Variants in NLRP14 observed in about 807,000 individuals in gnomAD.
NLRP14 encodes the protein NLR family pyrin domain containing 14, also known as NACHT, LRR and PYD domains-containing protein 14.
A neutral mutation model predicts 94.7 loss-of-function variants in NLRP14; 105 were observed. That is an observed-to-expected ratio of 1.11 (90% CI 0.95 to 1.30). NLRP14 has a LOEUF of 1.30. Ranked by LOEUF, NLRP14 falls within the 50% of genes most tolerant of loss-of-function variation. NLRP14 has a pLI of 0.00. For missense variants in NLRP14, 1,362 were observed against 1,254.1 expected (o/e 1.09, Z -1.30); for synonymous variants, 508 against 459.9 (o/e 1.10, Z -1.34).
chr11:7,038,807 T>A lies in NLRP14; in HGVS notation c.221T>A (p.Val74Glu). The A allele has an allele frequency of 6.2e-7, 1 of 1,613,114 alleles. No individual in the cohort carries two copies. The highest frequency in any genetic ancestry group is 8.5e-7 in the Non-Finnish European group (1 of 1,179,752). The change falls in exon 2 of 12, where the codon GTG becomes GAG. Residue 74 changes from valine to glutamate, a missense_variant. Transcript: ENST00000299481. ...TATCCAGGAGAGAAAGCCTGGAGTGTGTCTCTCAAAATCTTTGGCAAGATG... is the reference window on the plus strand; with the variant it reads ...TATCCAGGAGAGAAAGCCTGGAGTGAGTCTCTCAAAATCTTTGGCAAGATG... Reference protein sequence around the residue: ...KYYPGEKAWSVSLKIFGKMNL... With the variant: ...KYYPGEKAWSESLKIFGKMNL...
At chr11:7,027,707 A>G (rs1023718525) in intron 1 of NLRP14, among the ~76,000 whole-genome samples, 10 of 152,238 alleles carry the variant, frequency 6.6e-5, no homozygotes, top group African/African-American at 2.4e-4. Flanking sequence ...GCCTAGTTCA[A>G]TTAGGTTTCA....
At chr11:7,057,439 G>A (rs1437024055) in intron 6 of NLRP14, among the ~76,000 whole-genome samples, 1 of 152,034 alleles carries the variant, frequency 6.6e-6, no homozygotes, top group Admixed American at 6.6e-5. Context: ...GCTCTCAAAT[G>A]TATTTTCATA....
intron 1 of NLRP14, among the ~76,000 whole-genome samples, chr11:7,029,783 G>A (rs1852065994): frequency 6.6e-6 from 1 of 152,126 alleles, no homozygotes; most frequent in Non-Finnish European, 1.5e-5. Flanking sequence ...ACTAAAAAGA[G>A]TTTACCTTTT....
chr11:7,070,424 G>T lies in NLRP14; in HGVS notation c.3114G>T (p.Leu1038Phe). The change falls in exon 11 of 12, where the codon TTG becomes TTT. Residue 1038 changes from leucine to phenylalanine, a missense_variant. By Grantham distance (22) the Leu-to-Phe change is conservative. Transcript: ENST00000299481. ...GAATTGTGAAGTTATATAAAGTCTT[G>T]AAGTCTCCTAAGTGTAAACTACAAG... ...YEGIVKLYKV[L>F]KSPKCKLQVL... 1 of 1,611,882 alleles carries T rather than the reference G, an allele frequency of 6.2e-7. No individual in the cohort carries two copies. Among genetic ancestry groups the T allele is most frequent in the Non-Finnish European group, 8.5e-7 (1 of 1,178,246 alleles).
At chr11:7,052,895 C>G (rs555975596) in intron 6 of NLRP14, among the ~76,000 whole-genome samples, 1 of 152,288 alleles carries the variant, frequency 6.6e-6, no homozygotes, top group South Asian at 2.1e-4. Flanking sequence ...ACCAGAGGTT[C>G]TGCCACCTGG....
chr11:7,028,737 T>C (rs1328737736), intron 1 of NLRP14, among the ~76,000 whole-genome samples: 1 of 152,222 alleles, frequency 6.6e-6, no homozygotes, highest in Admixed American at 6.5e-5. Flanking sequence ...CTAATTGTTA[T>C]TTCTTCAACT....
chr11:7,022,717 A>G (rs1276422852), intron 1 of NLRP14, among the ~76,000 whole-genome samples: 1 of 152,208 alleles, frequency 6.6e-6, no homozygotes, highest in Non-Finnish European at 1.5e-5. Context: ...TTCAAAACCC[A>G]TCAAGGAATA....
chr11:7,045,649 C>A (rs1200820823), intron 4 of NLRP14, among the ~76,000 whole-genome samples: 1 of 152,038 alleles, frequency 6.6e-6, no homozygotes, highest in Non-Finnish European at 1.5e-5. Flanking sequence ...TATGAACTGT[C>A]ATTCATTCCA....
chr11:7,050,001 G>A (rs1440146719), intron 6 of NLRP14, among the ~76,000 whole-genome samples, 163 bp downstream of exon 6: 1 of 152,070 alleles, frequency 6.6e-6, no homozygotes, highest in East Asian at 1.9e-4. Context: ...ATTTCATCCT[G>A]GTAGGACTTC....
rs781501735 is a variant in NLRP14 at position 7,042,676 on chromosome 11, A to G, written c.650A>G (p.Asn217Ser). The change falls in exon 4 of 12, where the codon AAT becomes AGT. Residue 217 changes from asparagine (N) to serine (S), a missense_variant. Asn to Ser is a conservative substitution (Grantham distance 46). Coordinates refer to ENST00000299481, the MANE Select transcript of NLRP14 (RefSeq NM_176822.4). ...AGGTTTAAGTATGTTTTTTATCTCA[A>G]TGGGAGAGAAATTAACCAGCTGAAA... ...QQRFKYVFYL[N>S]GREINQLKER... The G allele has an allele frequency of 9.9e-6, 16 of 1,614,088 alleles. No homozygotes were observed. The highest frequency in any genetic ancestry group is 2.7e-5 in the African/African-American group (2 of 74,938).
At chr11:7,045,103 T>C (rs1306605838) in intron 4 of NLRP14, among the ~76,000 whole-genome samples, 1 of 152,248 alleles carries the variant, frequency 6.6e-6, no homozygotes. Context: ...TACCATTATA[T>C]ACAATTGCAG....
rs1029584208 is a variant in NLRP14, at chr11:7,023,243, AAT to A, written c.-22+2476_-22+2477del. Among the ~76,000 whole-genome samples the A allele has an allele frequency of 1.4e-3, 215 of 149,466 alleles. 1 individual carries two copies. Among genetic ancestry groups the A allele is most frequent in the African/African-American group, 5.0e-3 (207 of 41,134 alleles). On this transcript the variant is annotated intron_variant, in intron 1 of 11. Coordinates refer to ENST00000299481, the MANE Select transcript of NLRP14 (RefSeq NM_176822.4). ...TTTTATATACACATATAAAATTTTA[AAT>A]ATGTTTAAATTTTAATTTTATATAT...
Position 7,042,430 on chromosome 11 carries a change from G to A in NLRP14, c.404G>A (p.Cys135Tyr). 1 of 1,613,936 alleles carries A rather than the reference G, an allele frequency of 6.2e-7. No homozygotes were observed. The highest frequency in any genetic ancestry group is 8.5e-7 in the Non-Finnish European group (1 of 1,179,828). ...AGAAATAGAATAAAGGAAAAATTTT[G>A]CATCACTTGGGACAAGAAGTCTTTG... ...EYRNRIKEKF[C>Y]ITWDKKSLAG... Residue 135 changes from cysteine to tyrosine, a missense_variant, in exon 4 of 12, where the codon TGC becomes TAC. By Grantham distance (194) the Cys-to-Tyr change is radical. Coordinates refer to ENST00000299481, the MANE Select transcript of NLRP14 (RefSeq NM_176822.4).
downstream of NLRP14, among the ~76,000 whole-genome samples, chr11:7,074,274 A>C (rs1248328983): frequency 6.6e-6 from 1 of 152,180 alleles, no homozygotes; most frequent in African/African-American, 2.4e-5. Flanking sequence ...TCCACACAAA[A>C]CAGTAATACT....
intron 9 of NLRP14, among the ~76,000 whole-genome samples, chr11:7,060,380 A>G (rs1852598439): frequency 6.6e-6 from 1 of 152,040 alleles, no homozygotes. Context: ...CCAGAAGCTA[A>G]AATTGTTCTC....
chr11:7,069,780 CT>C (rs1336508563), intron 10 of NLRP14, among the ~76,000 whole-genome samples: 1 of 152,146 alleles, frequency 6.6e-6, no homozygotes, highest in Non-Finnish European at 1.5e-5. Flanking sequence ...GCGCTTACCA[CT>C]ACCCCCAGCT....
chr11:7,026,935 C>T (rs1852024649), intron 1 of NLRP14, among the ~76,000 whole-genome samples: 1 of 151,836 alleles, frequency 6.6e-6, no homozygotes, highest in Non-Finnish European at 1.5e-5. Flanking sequence ...ACATTATGCA[C>T]ATATACCCTA....
chr11:7,057,943 T>C (rs1852542992), intron 7 of NLRP14, 96 bp downstream of exon 7: 2 of 986,854 alleles, frequency 2.0e-6, no homozygotes, highest in Admixed American at 1.7e-5. Context: ...GTCTTGGCAC[T>C]AACTGGCTCG....
the NLRP14 span, among the ~76,000 whole-genome samples, chr11:7,082,451 G>C: frequency 6.6e-6 from 1 of 152,124 alleles, no homozygotes; most frequent in Non-Finnish European, 1.5e-5. Flanking sequence ...TGTCTCCTGG[G>C]ATGAGGCCAC....
Sources: gnomAD v4.1 joint callset for allele counts (sites outside exome capture counted in the v4.1 genomes callset) on GRCh38, gnomAD v4.1.1 for gene constraint, MANE v1.5 for transcripts, NCBI Gene and HGNC (gene_info 2026-07-23, HGNC 2026-07-21) for gene names.